The following MROH9 variants were observed in gnomAD, a reference collection of about 807,000 sequenced individuals.
The protein encoded by MROH9 is maestro heat-like repeat-containing protein family member 9.
MROH9 carries 92 observed loss-of-function variants against 98.2 expected under a neutral mutation model. The observed-to-expected ratio is 0.94, with a 90% confidence interval of 0.79 to 1.11. The LOEUF (loss-of-function observed/expected upper bound fraction) is 1.11. Ranked by LOEUF, MROH9 falls within the 50% of genes most tolerant of loss-of-function variation. MROH9 has a pLI of 0.00. For synonymous variants in MROH9, 397 were observed against 368.9 expected (o/e 1.08, Z -0.87); for missense variants, 1,057 against 1,014.8 (o/e 1.04, Z -0.57).
intron 8 of MROH9, among the ~76,000 whole-genome samples, chr1:170,982,182 G>A (rs991152407): frequency 3.9e-5 from 6 of 152,022 alleles, no homozygotes; most frequent in Non-Finnish European, 7.4e-5. Flanking sequence ...GCCTCAAACC[G>A]GAAACAACCT....
chr1:171,011,570 G>A (rs373795701), intron 15 of MROH9, among the ~76,000 whole-genome samples: 2 of 151,878 alleles, frequency 1.3e-5, no homozygotes, highest in Admixed American at 1.3e-4. Context: ...TAATCACTGG[G>A]TCTCTACTAG....
At chr1:171,063,488 G>A (rs1026439019) in intron 21 of MROH9, among the ~76,000 whole-genome samples, 11 of 152,082 alleles carry the variant, frequency 7.2e-5, no homozygotes, top group African/African-American at 2.4e-4. Flanking sequence ...TCCTGACCCC[G>A]AGATCCACCT....
At chr1:171,020,003 C>A (rs1041839196) in intron 17 of MROH9, among the ~76,000 whole-genome samples, 2 of 152,116 alleles carry the variant, frequency 1.3e-5, no homozygotes, top group Admixed American at 6.5e-5. Context: ...CACAAATAAA[C>A]GGTAAAATCA....
intron 20 of MROH9, among the ~76,000 whole-genome samples, chr1:171,051,766 AT>A (rs1653672050): frequency 6.6e-6 from 1 of 152,206 alleles, no homozygotes; most frequent in African/African-American, 2.4e-5. Context: ...TTTAAATTTA[AT>A]TTTAAAAAAA....
chr1:171,031,633 T>A (rs933497229), intron 20 of MROH9, among the ~76,000 whole-genome samples: 11 of 152,252 alleles, frequency 7.2e-5, no homozygotes, highest in Non-Finnish European at 5.9e-5. Flanking sequence ...GTAGGGTTTC[T>A]GTTGAGAGAC....
intron 8 of MROH9, among the ~76,000 whole-genome samples, chr1:170,972,831 C>CACACACAT (rs1188126429): frequency 8.3e-5 from 5 of 59,924 alleles, no homozygotes; most frequent in East Asian, 4.4e-4. Flanking sequence ...AAAAAAAATA[C>CACACACAT]ACACACACAC....
At chr1:170,952,324 A>C (rs1649583150) in intron 3 of MROH9, among the ~76,000 whole-genome samples, 1 of 152,150 alleles carries the variant, frequency 6.6e-6, no homozygotes, top group Admixed American at 6.5e-5. Context: ...GGCACTATTC[A>C]CAATAGCAAA....
At chr1:171,014,867 T>C (rs770412771) in intron 16 of MROH9, 2 of 426,300 alleles carry the variant, frequency 4.7e-6, no homozygotes, top group Non-Finnish European at 9.7e-6. Context: ...CCCACCCCCG[T>C]CCTATGGAAT....
intron 10 of MROH9, among the ~76,000 whole-genome samples, chr1:170,989,420 C>T (rs1282902813): frequency 6.6e-6 from 1 of 152,212 alleles, no homozygotes; most frequent in African/African-American, 2.4e-5. Flanking sequence ...TCCTCCAATA[C>T]ATGGTTCATC....
At chr1:171,009,544 A>T (rs1652073978) in intron 15 of MROH9, among the ~76,000 whole-genome samples, 1 of 152,230 alleles carries the variant, frequency 6.6e-6, no homozygotes, top group Non-Finnish European at 1.5e-5. Flanking sequence ...AGGCAATAAA[A>T]ACATGAAGCT....
intron 3 of MROH9, among the ~76,000 whole-genome samples, chr1:170,948,528 A>C (rs1306703439): frequency 2.0e-5 from 3 of 152,096 alleles, no homozygotes; most frequent in African/African-American, 7.2e-5. Context: ...TCAATCACTC[A>C]TTCATTTATT....
intron 1 of MROH9, among the ~76,000 whole-genome samples, chr1:170,944,382 T>TAAC (rs79000299): frequency 0.037 from 5,682 of 151,534 alleles, 152 homozygotes; most frequent in Middle Eastern, 0.062. Flanking sequence ...TATTTAAAGG[T>TAAC]AACAACAACA....
chr1:170,935,685 A>T (rs1648845744), intron 1 of MROH9, 98 bp downstream of exon 1: 1 of 152,162 alleles, frequency 6.6e-6, no homozygotes, highest in African/African-American at 2.4e-5. Context: ...AAGAAAAAGA[A>T]CCATGAATAC....
chr1:171,032,405 T>G (rs1652950549), intron 20 of MROH9, among the ~76,000 whole-genome samples: 1 of 152,238 alleles, frequency 6.6e-6, no homozygotes, highest in Non-Finnish European at 1.5e-5. Flanking sequence ...TTTCTCATCT[T>G]CGTGAGTTTG....
intron 15 of MROH9, among the ~76,000 whole-genome samples, chr1:171,000,664 C>T (rs1651754123): frequency 6.6e-6 from 1 of 152,102 alleles, no homozygotes; most frequent in Non-Finnish European, 1.5e-5. Context: ...AGGATTTTAG[C>T]ATCTATGCTC....
intron 20 of MROH9, among the ~76,000 whole-genome samples, chr1:171,036,098 C>T (rs1320568484): frequency 2.6e-5 from 4 of 152,062 alleles, no homozygotes; most frequent in Non-Finnish European, 5.9e-5. Flanking sequence ...AGGAAGCTTA[C>T]AACGTTGAAA....
intron 3 of MROH9, among the ~76,000 whole-genome samples, chr1:170,953,876 AG>A (rs1342297456): frequency 3.5e-4 from 37 of 107,216 alleles, no homozygotes; most frequent in African/African-American, 9.1e-4. Flanking sequence ...AGAGAGAGAG[AG>A]AGAAAGAAAG....
At chr1:170,942,480 T>C (rs528829730) in intron 1 of MROH9, among the ~76,000 whole-genome samples, 5 of 152,218 alleles carry the variant, frequency 3.3e-5, no homozygotes, top group South Asian at 4.1e-4. Flanking sequence ...TTTATGTATG[T>C]CTTCAATCCT....
Position 171,025,410 on chromosome 1 carries a change from T to C in MROH9, c.2271T>C (p.Val757=). 1 of 1,539,468 alleles carries C rather than the reference T, an allele frequency of 6.5e-7. No individual in the cohort carries two copies. ...SPRTYLKRAS[V]ILIGYLAKSG... ...GAACATATCTTAAGAGGGCATCGGT[T>C]ATTTTGATAGGTAAATATAATTCAG... Residue 757 remains valine (V), a synonymous_variant, in exon 20 of 22, where the codon GTT becomes GTC. Coordinates refer to ENST00000367759, the MANE Select transcript of MROH9 (RefSeq NM_001163629.2).
Sources: allele counts gnomAD v4.1 joint callset (sites outside exome capture counted in the v4.1 genomes callset), GRCh38; gene constraint gnomAD v4.1.1; transcripts MANE v1.5; gene names NCBI Gene and HGNC (gene_info 2026-07-23, HGNC 2026-07-21).